ZMYM4: variants seen among roughly 807,000 people sequenced by gnomAD.
ZMYM4 encodes zinc finger MYM-type protein 4.
In ZMYM4, 31 loss-of-function variants were observed where a neutral mutation model predicts 183.2. The observed-to-expected ratio is 0.17, with a 90% CI of 0.13 to 0.23. ZMYM4 has a LOEUF of 0.23. ZMYM4 is among the 10% of genes least tolerant of loss of function. The pLI, the probability that ZMYM4 is intolerant of heterozygous loss-of-function variation, is 1.00. For missense variants in ZMYM4, 1,273 were observed against 1,840.3 expected (o/e 0.69, Z 5.64); for synonymous variants, 592 against 631.2 (o/e 0.94, Z 0.93).
chr1:35,405,330 T>G, intron 24 of ZMYM4, 43 bp from the exon 25 acceptor site: 2 of 1,582,006 alleles, frequency 1.3e-6, no homozygotes, highest in East Asian at 4.5e-5. Context: ...TTCCGCACTT[T>G]TATTTTATTT....
At chr1:35,274,098 T>C (rs909722998) in intron 1 of ZMYM4, among the ~76,000 whole-genome samples, 4 of 152,228 alleles carry the variant, frequency 2.6e-5, no homozygotes, top group African/African-American at 9.6e-5. Flanking sequence ...CTTTTTCTCT[T>C]TTCTGTCTTT....
chr1:35,349,702 C>A (rs1643527175), intron 2 of ZMYM4, among the ~76,000 whole-genome samples: 1 of 151,394 alleles, frequency 6.6e-6, no homozygotes, highest in African/African-American at 2.4e-5. Flanking sequence ...TGGTGGTGGG[C>A]ACCTGTAATC....
intron 15 of ZMYM4, among the ~76,000 whole-genome samples, chr1:35,391,064 C>T (rs945315595): frequency 3.9e-5 from 6 of 152,078 alleles, no homozygotes; most frequent in African/African-American, 1.2e-4. Flanking sequence ...AACTATATGT[C>T]GTGGGCGTGA....
chr1:35,335,603 C>T (rs1642938769), intron 2 of ZMYM4, among the ~76,000 whole-genome samples: 1 of 152,036 alleles, frequency 6.6e-6, no homozygotes, highest in Non-Finnish European at 1.5e-5. Flanking sequence ...TTGTTTGTCA[C>T]CAATGCATGA....
intron 1 of ZMYM4, among the ~76,000 whole-genome samples, chr1:35,314,014 T>C (rs1641923079): frequency 6.6e-6 from 1 of 152,164 alleles, no homozygotes; most frequent in Non-Finnish European, 1.5e-5. Context: ...GTATCACTAA[T>C]TGAAGAGAAG....
At chr1:35,342,575 CT>C (rs771300965) in intron 2 of ZMYM4, among the ~76,000 whole-genome samples, 2 of 152,146 alleles carry the variant, frequency 1.3e-5, no homozygotes, top group South Asian at 4.1e-4. Flanking sequence ...ACTTATTGGC[CT>C]TTCCTAAATG....
Position 35,300,631 on chromosome 1 carries a change from C to A in ZMYM4, c.40-24729C>A, listed in dbSNP as rs114801356. ...TTTTTATTTTGGACTGTTTCTTTTGCTGTATGTTCTAATTCACCAATCTTC... is the reference window on the plus strand; with the variant it reads ...TTTTTATTTTGGACTGTTTCTTTTGATGTATGTTCTAATTCACCAATCTTC... On this transcript the variant is annotated intron_variant, in intron 1 of 29. Coordinates refer to ENST00000314607, the MANE Select transcript of ZMYM4 (RefSeq NM_005095.3). Among the ~76,000 whole-genome samples the A allele has an allele frequency of 7.5e-3, 1,134 of 152,142 alleles. 14 individuals are homozygous for A. Among genetic ancestry groups the A allele is most frequent in the African/African-American group, 0.026 (1,086 of 41,500 alleles).
chr1:35,337,518 T>C (rs1407267243), intron 2 of ZMYM4, among the ~76,000 whole-genome samples: 2 of 152,186 alleles, frequency 1.3e-5, no homozygotes, highest in African/African-American at 2.4e-5. Context: ...ATAAGATGTG[T>C]TTCTTATGGT....
chr1:35,297,042 G>A lies in ZMYM4; in HGVS notation c.39+27957G>A, dbSNP rs192144580. ...CGTTTGCATTTTTAGTAGAGACGGAGTTTCACCATGTTGGTCAGGCTGGTC... is the reference window on the plus strand; with the variant it reads ...CGTTTGCATTTTTAGTAGAGACGGAATTTCACCATGTTGGTCAGGCTGGTC... On this transcript the variant is annotated intron_variant, in intron 1 of 29. Transcript: ENST00000314607. Among the ~76,000 whole-genome samples the A allele has an allele frequency of 3.0e-3, 462 of 151,916 alleles. 1 individual carries two copies. The highest frequency in any genetic ancestry group is 4.3e-3 in the Non-Finnish European group (294 of 67,916).
intron 2 of ZMYM4, among the ~76,000 whole-genome samples, chr1:35,345,234 G>A (rs955928913): frequency 2.0e-5 from 3 of 152,174 alleles, no homozygotes; most frequent in African/African-American, 7.2e-5. Flanking sequence ...CAAGTGTCAC[G>A]TGGCTACTGT....
intron 15 of ZMYM4, among the ~76,000 whole-genome samples, 154 bp from the exon 16 acceptor site, chr1:35,392,055 AAAG>A (rs1558154746): frequency 1.3e-5 from 2 of 152,158 alleles, no homozygotes; most frequent in African/African-American, 2.4e-5. Context: ...AGAAAAAAAA[AAAG>A]AAGAAAACCA....
At chr1:35,372,872 T>A (rs1163876342) in intron 7 of ZMYM4, among the ~76,000 whole-genome samples, 1 of 152,202 alleles carries the variant, frequency 6.6e-6, no homozygotes. Context: ...AAATATGATG[T>A]TGTGGCTGGG....
chr1:35,296,614 G>C (rs1465105604), intron 1 of ZMYM4, among the ~76,000 whole-genome samples: 1 of 152,102 alleles, frequency 6.6e-6, no homozygotes, highest in Non-Finnish European at 1.5e-5. Flanking sequence ...GGGGTTAGCT[G>C]TGGTTGGTTT....
chr1:35,351,345 T>C, intron 2 of ZMYM4: 2 of 1,566,722 alleles, frequency 1.3e-6, no homozygotes, highest in Non-Finnish European at 1.7e-6. Flanking sequence ...TTACATGCAC[T>C]ACTTAATGAA....
intron 2 of ZMYM4, among the ~76,000 whole-genome samples, chr1:35,327,860 T>C (rs1442701775): frequency 6.6e-6 from 1 of 152,206 alleles, no homozygotes; most frequent in East Asian, 1.9e-4. Context: ...AGAAAGATTA[T>C]GATTGGGCCA....
At chr1:35,347,890 A>G (rs1643458147) in intron 2 of ZMYM4, among the ~76,000 whole-genome samples, 2 of 152,188 alleles carry the variant, frequency 1.3e-5, no homozygotes, top group African/African-American at 4.8e-5. Flanking sequence ...AAATACTGAC[A>G]TGTAATAAGA....
Position 35,389,067 on chromosome 1 carries a change from A to C in ZMYM4, c.2421A>C (p.Thr807=). 1 of 1,613,274 alleles carries C rather than the reference A, an allele frequency of 6.2e-7. No individual in the cohort carries two copies. The highest frequency in any genetic ancestry group is 8.5e-7 in the Non-Finnish European group (1 of 1,179,766). The change falls in exon 14 of 30, where the codon ACA becomes ACC. Residue 807 remains threonine (T), a synonymous_variant. Coordinates refer to ENST00000314607, the MANE Select transcript of ZMYM4 (RefSeq NM_005095.3). The surrounding 1 kb of genome is among the most constrained non-coding windows in gnomAD (Gnocchi z 4.0). ...GTGAAGAATGCATGTCCAAATATAC[A>C]GTTTTGTTCTATCAGGTAAATAGAA... ...FCCEECMSKY[T]VLFYQMAKCD... is the part of the protein sequence containing the mutation.
intron 23 of ZMYM4, among the ~76,000 whole-genome samples, chr1:35,403,075 A>G (rs551069202): frequency 1.3e-5 from 2 of 152,288 alleles, no homozygotes; most frequent in Non-Finnish European, 2.9e-5. Flanking sequence ...TTTTTAAATC[A>G]TGATTGGGTA....
At chr1:35,367,879 G>C (rs991242309) in intron 5 of ZMYM4, among the ~76,000 whole-genome samples, 3 of 152,098 alleles carry the variant, frequency 2.0e-5, no homozygotes, top group Non-Finnish European at 4.4e-5. Flanking sequence ...GGGAGGCTGA[G>C]GCAGGAGAAT....
Sources: allele counts gnomAD v4.1 joint callset (sites outside exome capture counted in the v4.1 genomes callset), GRCh38; gene constraint gnomAD v4.1.1; non-coding constraint Gnocchi (gnomAD v3.1); transcripts MANE v1.5; gene names NCBI Gene and HGNC (gene_info 2026-07-23, HGNC 2026-07-21).